Variants in GRAP2 observed in about 807,000 individuals in gnomAD.
GRAP2 encodes the protein GRB2-related adapter protein 2.
In GRAP2, 31 loss-of-function variants were observed where a neutral mutation model predicts 43.5. The observed-to-expected ratio is 0.71, with a 90% CI of 0.54 to 0.96. The LOEUF (loss-of-function observed/expected upper bound fraction) is 0.96, where lower values mean the gene tolerates loss of function less well. GRAP2 is among the 40% of genes least tolerant of loss of function. The probability of loss-of-function intolerance (pLI) is 0.00; values close to 1 mark genes in which losing one functional copy is unlikely to be tolerated. For synonymous variants in GRAP2, 156 were observed against 164.8 expected, an observed-to-expected ratio of 0.95 and a Z score of 0.41; for missense variants, 371 against 424.4, an observed-to-expected ratio of 0.87 and a Z score of 1.11.
At position 39,942,602 on chromosome 22, in the gene GRAP2, T is replaced by C. The variant is rs569821235; in HGVS notation, c.-14-4491T>C. On this transcript the variant is annotated intron_variant, in intron 1 of 7. Coordinates refer to ENST00000344138, the MANE Select transcript of GRAP2 (RefSeq NM_004810.4). ...GAGTTCGAGACCAGCCTGGGCAACATAGTGAGACCCCGATCTCTACCAAAA... is the reference window on the plus strand; with the variant it reads ...GAGTTCGAGACCAGCCTGGGCAACACAGTGAGACCCCGATCTCTACCAAAA... Among the ~76,000 whole-genome samples the C allele has an allele frequency of 3.6e-3, 533 of 147,974 alleles. 3 individuals carry two copies. The highest frequency in any genetic ancestry group is 0.013 in the African/African-American group (514 of 39,884).
In GRAP2 at chr22:39,962,524, C is replaced by A. The variant is rs1408795707; in HGVS notation, c.290+2350C>A. 2.0e-5 allele frequency among the ~76,000 whole-genome samples: 3 copies of A among 152,116 alleles called. No homozygotes were observed. In the East Asian group the frequency reaches 5.8e-4, roughly 29 times the overall value. On this transcript the variant is annotated intron_variant, in intron 4 of 7. Transcript: ENST00000344138. ...CGTGTATATATATTACAAGTCAAATCTATTTCTTAAGCCTCCCCTCTTTAC... is the reference window on the plus strand; with the variant it reads ...CGTGTATATATATTACAAGTCAAATATATTTCTTAAGCCTCCCCTCTTTAC...
chr22:39,936,308 A>G (rs1010240233), intron 1 of GRAP2, among the ~76,000 whole-genome samples: 6 of 152,018 alleles, frequency 3.9e-5, no homozygotes, highest in African/African-American at 1.4e-4. Context: ...TGCCAGCAGG[A>G]TCCGAGGTGT....
At chr22:39,952,933 G>T (rs920431071) in intron 2 of GRAP2, among the ~76,000 whole-genome samples, 5 of 152,108 alleles carry the variant, frequency 3.3e-5, no homozygotes, top group Admixed American at 2.0e-4. Flanking sequence ...TTTTTCAAAT[G>T]GCTGATTGAC....
intron 6 of GRAP2, chr22:39,968,505 A>C: frequency 1.8e-6 from 1 of 556,412 alleles, no homozygotes; most frequent in Non-Finnish European, 3.2e-6. Flanking sequence ...ACACACACTT[A>C]AACTCACACA....
At position 39,940,296 on chromosome 22, in the gene GRAP2, C is replaced by CA. The variant is rs759711567; in HGVS notation, c.-14-6792dup. ...GGGTGTCTGCTGGTTTAGAATAGAG[C>CA]AAAAATATTGTCATCTGAGAGCCCA... On this transcript the variant is annotated intron_variant, in intron 1 of 7. Transcript: ENST00000344138. Among the ~76,000 whole-genome samples, 11 of 151,320 alleles carry CA rather than the reference C, an allele frequency of 7.3e-5. No individual in the cohort carries two copies. The Middle Eastern group carries it at 0.01, about 142-fold the overall frequency.
intron 6 of GRAP2, 164 bp downstream of exon 6, chr22:39,968,436 T>C (rs2145682566): frequency 7.7e-6 from 5 of 653,326 alleles, no homozygotes; most frequent in East Asian, 5.4e-5. Context: ...GACATCTCTA[T>C]GAATTAAATG....
chr22:39,958,250 C>G (rs146740764), intron 3 of GRAP2, among the ~76,000 whole-genome samples: 1 of 152,240 alleles, frequency 6.6e-6, no homozygotes, highest in East Asian at 1.9e-4. Context: ...CTCCCACTCC[C>G]CAGTCCCCTA....
chr22:39,961,215 C>G (rs925158249), intron 4 of GRAP2, among the ~76,000 whole-genome samples: 1 of 152,082 alleles, frequency 6.6e-6, no homozygotes, highest in African/African-American at 2.4e-5. Flanking sequence ...TGGCCTCCCC[C>G]ATAGTGACCC....
At chr22:39,911,713 C>T (rs186405627) in intron 1 of GRAP2, among the ~76,000 whole-genome samples, 4 of 152,122 alleles carry the variant, frequency 2.6e-5, no homozygotes, top group African/African-American at 4.8e-5. Context: ...TCTTGTGACC[C>T]TATAATTATT....
At chr22:39,926,498 A>G in intron 1 of GRAP2, 1 of 600,128 alleles carries the variant, frequency 1.7e-6, no homozygotes, top group Non-Finnish European at 2.1e-6. Flanking sequence ...AAAAAAAAAA[A>G]AAGGAAAAGA....
intron 1 of GRAP2, among the ~76,000 whole-genome samples, chr22:39,907,911 C>T (rs901626947): frequency 2.0e-5 from 3 of 152,172 alleles, no homozygotes; most frequent in South Asian, 2.1e-4. Context: ...TCTGCCGGGA[C>T]GTAGCACCAA....
At chr22:39,943,709 CTCTTT>C (rs930879982) in intron 1 of GRAP2, among the ~76,000 whole-genome samples, 4 of 150,736 alleles carry the variant, frequency 2.7e-5, no homozygotes, top group Admixed American at 6.6e-5. Flanking sequence ...AAAGGGGCCT[CTCTTT>C]TCTTTCTTTT....
intron 1 of GRAP2, among the ~76,000 whole-genome samples, chr22:39,946,096 G>C (rs1175607943): frequency 1.3e-5 from 2 of 152,160 alleles, no homozygotes; most frequent in Admixed American, 6.5e-5. Context: ...CCTGACCTCA[G>C]GTGATCTGCC....
chr22:39,909,499 G>T (rs570235629), intron 1 of GRAP2, among the ~76,000 whole-genome samples: 4 of 152,250 alleles, frequency 2.6e-5, no homozygotes, highest in South Asian at 2.1e-4. Flanking sequence ...GTAATGCTTC[G>T]TCTTGTAGAT....
At chr22:39,920,800 C>T (rs2066642416) in intron 1 of GRAP2, among the ~76,000 whole-genome samples, 1 of 151,998 alleles carries the variant, frequency 6.6e-6, no homozygotes, top group Non-Finnish European at 1.5e-5. Context: ...TACACACACA[C>T]ACGTGGATGC....
intron 1 of GRAP2, among the ~76,000 whole-genome samples, chr22:39,905,811 ACT>A (rs2066519398): frequency 6.6e-6 from 1 of 151,964 alleles, no homozygotes; most frequent in Non-Finnish European, 1.5e-5. Flanking sequence ...GTTCCTGAGC[ACT>A]CTCTCTGATG....
rs906305157 is a variant in GRAP2 at position 39,943,166 on chromosome 22, C to T, written c.-14-3927C>T. 5.8e-4 allele frequency among the ~76,000 whole-genome samples: 88 copies of T among 152,190 alleles called. 1 individual carries two copies. Among genetic ancestry groups the T allele is most frequent in the Non-Finnish European group, 3.1e-4 (21 of 68,034 alleles). On this transcript the variant is annotated intron_variant, in intron 1 of 7. Transcript: ENST00000344138. ...CCGGGTGCCATTTTGATGGTAACTACGTGTTTCTGAACAAATCCACTTATA... is the reference window on the plus strand; with the variant it reads ...CCGGGTGCCATTTTGATGGTAACTATGTGTTTCTGAACAAATCCACTTATA...
chr22:39,954,633 G>A (rs1458915692), intron 2 of GRAP2, among the ~76,000 whole-genome samples: 3 of 152,034 alleles, frequency 2.0e-5, no homozygotes, highest in African/African-American at 7.3e-5. Context: ...GGCCTCAAGT[G>A]ATCTATGTGC....
intron 3 of GRAP2, among the ~76,000 whole-genome samples, chr22:39,958,176 CGTCCTTCCTCCGGTT>C (rs1219582866): frequency 6.6e-6 from 1 of 152,110 alleles, no homozygotes; most frequent in Non-Finnish European, 1.5e-5. Context: ...GGCTCCAGGA[CGTCCTTCCTCCGGTT>C]GTCCTCCCAC....
Sources: gnomAD v4.1 joint callset for allele counts (sites outside exome capture counted in the v4.1 genomes callset) on GRCh38, gnomAD v4.1.1 for gene constraint, MANE v1.5 for transcripts, NCBI Gene and HGNC (gene_info 2026-07-23, HGNC 2026-07-21) for gene names.